The following EFHC1 variants were observed in gnomAD, a reference collection of about 807,000 sequenced individuals.
The protein encoded by EFHC1 is EF-hand domain-containing protein 1.
Under a neutral mutation model 69.9 loss-of-function variants are expected in EFHC1, and 53 were observed. The ratio of observed to expected loss-of-function variants is 0.76; its 90% CI spans 0.61 to 0.95. EFHC1 has a LOEUF of 0.95. Among genes scored for constraint, EFHC1 ranks in the 40% least tolerant of loss-of-function variants. EFHC1 has a pLI of 0.00. For missense variants in EFHC1, 739 were observed against 798.7 expected, an observed-to-expected ratio of 0.93 and a Z score of 0.90; for synonymous variants, 256 against 278.4, an observed-to-expected ratio of 0.92 and a Z score of 0.80.
At chr6:52,477,122 G>A (rs577534841) in intron 7 of EFHC1, among the ~76,000 whole-genome samples, 2 of 151,478 alleles carry the variant, frequency 1.3e-5, no homozygotes, top group Non-Finnish European at 2.9e-5. Context: ...CAACCCCCCG[G>A]TATGCCCCTG....
chr6:52,460,493 A>G (rs2114002957), intron 5 of EFHC1, among the ~76,000 whole-genome samples: 1 of 152,310 alleles, frequency 6.6e-6, no homozygotes, highest in Non-Finnish European at 1.5e-5. Context: ...AAAATTGTAT[A>G]CTCCAAAAAT....
intron 3 of EFHC1, among the ~76,000 whole-genome samples, chr6:52,447,495 G>A (rs530404708): frequency 1.4e-3 from 209 of 152,076 alleles, no homozygotes; most frequent in Non-Finnish European, 2.6e-3. Context: ...TAGCTTCTTT[G>A]CGATGGGTTC....
At chr6:52,488,319 G>A (rs1475482431) in intron 9 of EFHC1, 1 of 152,142 alleles carries the variant, frequency 6.6e-6, no homozygotes. Context: ...ATGCCAGAGA[G>A]CATTTAGATA....
chr6:52,448,691 T>G (rs925848323), intron 3 of EFHC1, among the ~76,000 whole-genome samples: 2 of 152,222 alleles, frequency 1.3e-5, no homozygotes, highest in African/African-American at 4.8e-5. Context: ...CTGGAACCTC[T>G]CCTACCTAGT....
intron 3 of EFHC1, among the ~76,000 whole-genome samples, chr6:52,449,179 C>G (rs1049340595): frequency 1.3e-5 from 2 of 152,112 alleles, no homozygotes; most frequent in African/African-American, 4.8e-5. Flanking sequence ...GTCGGGAGAT[C>G]GAGACCATCC....
intron 3 of EFHC1, 25 bp downstream of exon 3, chr6:52,438,616 G>A (rs200858257): frequency 5.6e-6 from 9 of 1,612,750 alleles, no homozygotes; most frequent in African/African-American, 2.7e-5. Flanking sequence ...TTTGAAAGTT[G>A]TGGGGTCTGA....
intron 7 of EFHC1, among the ~76,000 whole-genome samples, chr6:52,470,717 ACT>A (rs1270823603): frequency 6.6e-6 from 1 of 152,134 alleles, no homozygotes; most frequent in African/African-American, 2.4e-5. Context: ...AGGGAAAGGA[ACT>A]CCTATGAGTC....
intron 4 of EFHC1, 187 bp from the exon 5 acceptor site, chr6:52,453,908 T>C (rs1764978071): frequency 6.9e-7 from 1 of 1,459,096 alleles, no homozygotes; most frequent in African/African-American, 1.4e-5. Flanking sequence ...TGCTGACATA[T>C]AGTACATAAT....
At chr6:52,437,036 A>G (rs994673005) in intron 2 of EFHC1, among the ~76,000 whole-genome samples, 2 of 152,188 alleles carry the variant, frequency 1.3e-5, no homozygotes, top group African/African-American at 4.8e-5. Flanking sequence ...GGTTTGCTCA[A>G]TGTAATATAT....
chr6:52,460,624 A>G lies in EFHC1; in HGVS notation c.917-4271A>G, dbSNP rs1369615490. Among the ~76,000 whole-genome samples, 5 of 152,222 alleles carry G rather than the reference A, an allele frequency of 3.3e-5. No homozygotes were observed. The East Asian group carries it at 9.6e-4, about 29-fold the overall frequency. ...CGAAAAGATCATGAAAGCAGCTCCA[A>G]AGAAAAAGGTAACCCATACCAGATG... On this transcript the variant is annotated intron_variant, in intron 5 of 10. Transcript: ENST00000371068.
chr6:52,492,481 C>A lies in EFHC1; in HGVS notation c.*140C>A, dbSNP rs78906153. The A allele has an allele frequency of 5.2e-4, 444 of 847,254 alleles. 4 individuals carry two copies. In the East Asian group the frequency reaches 7.5e-3, roughly 14 times the overall value. 52.5% of individuals were successfully genotyped at this position (847,254 alleles called of 1,614,324 possible). A position where few individuals can be genotyped will look rare whatever the true frequency, so the allele number is the denominator to read the frequency against. On this transcript the variant is annotated 3_prime_UTR_variant, in exon 11 of 11. Coordinates refer to ENST00000371068, the MANE Select transcript of EFHC1 (RefSeq NM_018100.4). ...GTTCTTCTTTCACTCCTACTGAAGT[C>A]GAAACTAAATTGGATCTAATAGGAT...
chr6:52,436,912 G>A (rs749965744), intron 2 of EFHC1, among the ~76,000 whole-genome samples: 3 of 152,128 alleles, frequency 2.0e-5, no homozygotes, highest in Non-Finnish European at 4.4e-5. Context: ...GGTGTGCTGG[G>A]ATTACAGGCG....
At chr6:52,491,433 A>G (rs1765900929) in intron 10 of EFHC1, among the ~76,000 whole-genome samples, 1 of 152,242 alleles carries the variant, frequency 6.6e-6, no homozygotes, top group Non-Finnish European at 1.5e-5. Context: ...TGGCATAACC[A>G]GACCCTTCCG....
At chr6:52,483,352 A>G (rs9382111) in intron 9 of EFHC1, 29,134 of 152,280 alleles carry the variant, frequency 0.19, 3,261 homozygotes, top group Admixed American at 0.34. Flanking sequence ...TGAGCTTCAA[A>G]ATTAGGGCTC....
In EFHC1 at chr6:52,495,156, G is replaced by C. The variant is rs1248197317; in HGVS notation, c.*2815G>C. ...CTTTCAGGCTGACACACCTTCCAGG[G>C]TGTGCACTCTCGCCATGTTCTCACC... On this transcript the variant is annotated 3_prime_UTR_variant, in exon 11 of 11. Coordinates refer to ENST00000371068, the MANE Select transcript of EFHC1 (RefSeq NM_018100.4). 1 of 454,076 alleles carries C rather than the reference G, an allele frequency of 2.2e-6. No individual in the cohort carries two copies. Among genetic ancestry groups the C allele is most frequent in the East Asian group, 7.0e-5 (1 of 14,388 alleles). The allele number at this position is 454,076 out of a possible 1,614,324, so 28.1% of individuals were successfully genotyped here.
In EFHC1 at chr6:52,452,726, AGAG is replaced by A; in HGVS notation, c.613_615del (p.Glu205del). The A allele has an allele frequency of 6.2e-7, 1 of 1,614,236 alleles. No homozygotes were observed. Among genetic ancestry groups the A allele is most frequent in the Non-Finnish European group, 8.5e-7 (1 of 1,180,044 alleles). On this transcript the variant is annotated inframe_deletion, in exon 4 of 11. Transcript: ENST00000371068. ...GCCAAGGAATTGAGTTAAATCCACC[AGAG>A]AAGATGGCTCTTGATCCTTACACTG...
At chr6:52,470,132 T>G (rs1299805693) in intron 7 of EFHC1, among the ~76,000 whole-genome samples, 1 of 152,060 alleles carries the variant, frequency 6.6e-6, no homozygotes, top group African/African-American at 2.4e-5. Flanking sequence ...AATTAGGAGC[T>G]GGGGGTAGGA....
intron 2 of EFHC1, among the ~76,000 whole-genome samples, chr6:52,433,171 A>G (rs12207474): frequency 0.039 from 5,871 of 151,862 alleles, 157 homozygotes; most frequent in Non-Finnish European, 0.057. Flanking sequence ...CTTCTAAATT[A>G]TTAGGTAAAT....
intron 7 of EFHC1, among the ~76,000 whole-genome samples, chr6:52,473,401 A>G (rs1351511462): frequency 6.6e-6 from 1 of 152,252 alleles, no homozygotes; most frequent in Non-Finnish European, 1.5e-5. Context: ...AGGTAAAACA[A>G]TAAAACTTCT....
Sources: gnomAD v4.1 joint callset for allele counts (sites outside exome capture counted in the v4.1 genomes callset) on GRCh38, gnomAD v4.1.1 for gene constraint, MANE v1.5 for transcripts, NCBI Gene and HGNC (gene_info 2026-07-23, HGNC 2026-07-21) for gene names.